Variants in PCDH7 observed in about 807,000 individuals in gnomAD.
PCDH7 encodes the protein protocadherin-7.
PCDH7 carries 17 observed loss-of-function variants against 58.9 expected under a neutral mutation model. The observed-to-expected ratio is 0.29, with a 90% CI of 0.20 to 0.43. The LOEUF (loss-of-function observed/expected upper bound fraction) is 0.43. Among genes scored for constraint, PCDH7 ranks in the 20% least tolerant of loss-of-function variants. The pLI, the probability that PCDH7 is intolerant of heterozygous loss-of-function variation, is 1.00. For missense variants in PCDH7, 1,274 were observed against 1,441.0 expected (o/e 0.88, Z 1.88); for synonymous variants, 664 against 616.4 (o/e 1.08, Z -1.14).
Position 31,069,637 on chromosome 4 carries a change from T to C in PCDH7, c.*8-72836T>C, listed in dbSNP as rs1012728908. ...ATAATGTTTATGGATTAAATGATGATAAAAGTTTGATGGAATTATACCAAA... is the reference window on the plus strand; with the variant it reads ...ATAATGTTTATGGATTAAATGATGACAAAAGTTTGATGGAATTATACCAAA... On this transcript the variant is annotated intron_variant, in intron 3 of 3. Transcript: ENST00000509759. 2.6e-5 allele frequency among the ~76,000 whole-genome samples: 4 copies of C among 152,070 alleles called. No homozygotes were observed. The East Asian group carries it at 7.7e-4, about 29-fold the overall frequency.
chr4:30,827,058 T>C (rs535613551), intron 1 of PCDH7, among the ~76,000 whole-genome samples: 3 of 152,298 alleles, frequency 2.0e-5, no homozygotes, highest in African/African-American at 7.2e-5. Flanking sequence ...TTCACCTTAG[T>C]ATTAGAAAGA....
At chr4:30,991,230 T>C (rs1463596727) in intron 3 of PCDH7, among the ~76,000 whole-genome samples, 1 of 152,210 alleles carries the variant, frequency 6.6e-6, no homozygotes, top group African/African-American at 2.4e-5. Flanking sequence ...AATTATGCCA[T>C]TGGCTGAACC....
intron 2 of PCDH7, among the ~76,000 whole-genome samples, chr4:30,947,966 T>C (rs1271792190): frequency 6.6e-6 from 1 of 152,124 alleles, no homozygotes; most frequent in Admixed American, 6.6e-5. Context: ...GTGTTTAACT[T>C]TCTATTCCTG....
intron 3 of PCDH7, among the ~76,000 whole-genome samples, chr4:31,071,191 C>G (rs146993469): frequency 1.3e-5 from 2 of 152,076 alleles, no homozygotes; most frequent in Non-Finnish European, 2.9e-5. Flanking sequence ...TTAAAACTCT[C>G]TGGTGGAGAA....
chr4:30,993,478 A>G (rs1034314142), intron 3 of PCDH7, among the ~76,000 whole-genome samples: 2 of 152,182 alleles, frequency 1.3e-5, no homozygotes, highest in Non-Finnish European at 2.9e-5. Context: ...GATAATAATG[A>G]TAAATAACAT....
At chr4:30,926,685 C>A (rs1339647335) in intron 2 of PCDH7, among the ~76,000 whole-genome samples, 1 of 152,122 alleles carries the variant, frequency 6.6e-6, no homozygotes, top group African/African-American at 2.4e-5. Context: ...TAGCAAGGAC[C>A]TAAAATGAGG....
intron 3 of PCDH7, among the ~76,000 whole-genome samples, chr4:31,056,602 GGAGA>G (rs200443037): frequency 1.4e-5 from 2 of 147,348 alleles, no homozygotes; most frequent in Non-Finnish European, 3.0e-5. Context: ...AGGAAGGAAA[GGAGA>G]GAGAGAGAGT....
At chr4:30,798,071 C>A (rs1480019328) in intron 1 of PCDH7, among the ~76,000 whole-genome samples, 1 of 152,160 alleles carries the variant, frequency 6.6e-6, no homozygotes, top group Non-Finnish European at 1.5e-5. Flanking sequence ...GCGATAAATA[C>A]ACAGTGCCAA....
At chr4:31,031,342 T>C (rs925707135) in intron 3 of PCDH7, among the ~76,000 whole-genome samples, 3 of 152,186 alleles carry the variant, frequency 2.0e-5, no homozygotes, top group Admixed American at 1.3e-4. Flanking sequence ...CCATCCACAG[T>C]ACAGCAACAA....
chr4:30,874,141 T>A (rs1452760900), intron 1 of PCDH7, among the ~76,000 whole-genome samples: 2 of 151,994 alleles, frequency 1.3e-5, no homozygotes, highest in African/African-American at 4.8e-5. Context: ...GTGTGGCAAT[T>A]CCTCAGGGAT....
intron 3 of PCDH7, among the ~76,000 whole-genome samples, chr4:31,099,392 A>G (rs769871721): frequency 8.5e-5 from 13 of 152,208 alleles, no homozygotes; most frequent in Non-Finnish European, 1.5e-4. Context: ...ATATTCAGGA[A>G]AATCCCAGGA....
chr4:31,093,772 A>G (rs928639183), intron 3 of PCDH7, among the ~76,000 whole-genome samples: 2 of 152,096 alleles, frequency 1.3e-5, no homozygotes, highest in Non-Finnish European at 2.9e-5. Context: ...AGGCAACCAC[A>G]TGAGCCAAAG....
intron 1 of PCDH7, among the ~76,000 whole-genome samples, chr4:30,852,913 T>A (rs35805709): frequency 6.6e-6 from 1 of 151,582 alleles, no homozygotes; most frequent in Admixed American, 6.6e-5. Context: ...TCCTTGTCTG[T>A]GCTCCCAGTG....
intron 1 of PCDH7, among the ~76,000 whole-genome samples, chr4:30,740,934 C>A (rs1017256038): frequency 3.3e-5 from 5 of 151,836 alleles, no homozygotes; most frequent in Admixed American, 3.3e-4. Flanking sequence ...TGTACATAAG[C>A]AATACCAAAG....
At chr4:30,910,505 T>C (rs758626593) in intron 1 of PCDH7, among the ~76,000 whole-genome samples, 1 of 151,794 alleles carries the variant, frequency 6.6e-6, no homozygotes, top group Non-Finnish European at 1.5e-5. Flanking sequence ...GGGCAAAGGA[T>C]ATGGACAGCC....
intron 1 of PCDH7, among the ~76,000 whole-genome samples, chr4:30,831,438 A>T (rs1445217133): frequency 6.6e-6 from 1 of 152,176 alleles, no homozygotes; most frequent in African/African-American, 2.4e-5. Context: ...ACATAGGGTA[A>T]TATCAGTTTT....
chr4:30,987,453 A>G (rs1751077884), intron 3 of PCDH7: 1 of 152,080 alleles, frequency 6.6e-6, no homozygotes, highest in Admixed American at 6.5e-5. Flanking sequence ...AATGAGGTGG[A>G]TATTATTCAT....
exon 2 of PCDH7, chr4:30,731,847 G>C (rs946694972): frequency 6.6e-6 from 1 of 151,754 alleles, no homozygotes; most frequent in African/African-American, 2.4e-5. Context: ...TTGTTATGTC[G>C]TATGTGTTTA....
Position 30,721,558 on chromosome 4 carries a change from G to C in PCDH7, c.136G>C (p.Val46Leu). The C allele has an allele frequency of 6.2e-7, 1 of 1,605,052 alleles. No homozygotes were observed. The highest frequency in any genetic ancestry group is 1.1e-5 in the South Asian group (1 of 91,042). The change falls in exon 1 of 2, where the codon GTC becomes CTC. Residue 46 changes from valine (V) to leucine (L), a missense_variant. Val to Leu is a conservative substitution (Grantham distance 32). This residue lies in a region of PCDH7 where 212 missense variants were observed against 255.8 expected (regional missense o/e 0.83). Transcript: ENST00000361762. The surrounding 1 kb of genome is among the most constrained non-coding windows in gnomAD (Gnocchi z 6.7). ...GCTGGCCGAGGAGGGCCCCGCCGAC[G>C]TCCGCATCGGCAACGTGGCTTCAGA...
Sources: gnomAD v4.1 joint callset for allele counts (sites outside exome capture counted in the v4.1 genomes callset) on GRCh38, gnomAD v4.1.1 for gene constraint, gnomAD v4.1.1 regional missense constraint, Gnocchi (gnomAD v3.1) non-coding constraint, MANE v1.5 for transcripts, NCBI Gene and HGNC (gene_info 2026-07-23, HGNC 2026-07-21) for gene names.